Variants in SLC44A5 observed in about 807,000 individuals in gnomAD.
The protein encoded by SLC44A5 is choline transporter-like protein 5.
A neutral mutation model predicts 101.8 loss-of-function variants in SLC44A5; 57 were observed. The observed-to-expected ratio is 0.56, with a 90% CI of 0.45 to 0.70. The LOEUF is 0.70. Among genes scored for constraint, SLC44A5 ranks in the 30% least tolerant of loss-of-function variants. The pLI is 0.00. For synonymous variants in SLC44A5, 281 were observed against 290.9 expected (o/e 0.97, Z 0.35); for missense variants, 737 against 853.1 (o/e 0.86, Z 1.70).
intron 3 of SLC44A5, among the ~76,000 whole-genome samples, chr1:75,396,211 T>C (rs1433788833): frequency 6.6e-6 from 1 of 151,958 alleles, no homozygotes; most frequent in Non-Finnish European, 1.5e-5. Context: ...ACACACATAG[T>C]GTCATGAAAG....
chr1:75,315,811 A>C (rs1478542767), intron 4 of SLC44A5, among the ~76,000 whole-genome samples: 3 of 151,886 alleles, frequency 2.0e-5, no homozygotes, highest in African/African-American at 7.3e-5. Flanking sequence ...CTCCTTAACT[A>C]TCTCTGCCCG....
chr1:75,591,687 T>A (rs1280431400), intron 1 of SLC44A5, among the ~76,000 whole-genome samples: 4 of 152,120 alleles, frequency 2.6e-5, no homozygotes, highest in Non-Finnish European at 5.9e-5. Flanking sequence ...AATGACCAAG[T>A]GGGATTTACC....
At chr1:75,684,378 A>C in the SLC44A5 span, among the ~76,000 whole-genome samples, 4 of 152,160 alleles carry the variant, frequency 2.6e-5, no homozygotes, top group South Asian at 2.1e-4. Context: ...CCAAAGTTTT[A>C]ACTCATTTCA....
intron 3 of SLC44A5, among the ~76,000 whole-genome samples, chr1:75,345,067 T>C (rs978294423): frequency 2.0e-5 from 3 of 152,138 alleles, no homozygotes; most frequent in Admixed American, 1.3e-4. Flanking sequence ...TTAATTTAGA[T>C]TATGAAAATA....
intron 4 of SLC44A5, among the ~76,000 whole-genome samples, chr1:75,324,102 G>A (rs563230988): frequency 5.9e-5 from 9 of 152,282 alleles, no homozygotes; most frequent in Non-Finnish European, 1.2e-4. Flanking sequence ...GGATATGAAC[G>A]TCTTTTGACT....
intron 1 of SLC44A5, among the ~76,000 whole-genome samples, chr1:75,578,682 T>G (rs1673512452): frequency 6.6e-6 from 1 of 152,068 alleles, no homozygotes; most frequent in Non-Finnish European, 1.5e-5. Flanking sequence ...AAAGTTTCAG[T>G]TAGACAGGAT....
intron 5 of SLC44A5, among the ~76,000 whole-genome samples, chr1:75,275,927 A>G (rs899540994): frequency 6.6e-6 from 1 of 151,974 alleles, no homozygotes; most frequent in African/African-American, 2.4e-5. Context: ...TTCCTTTAAC[A>G]TTTGCCCAGC....
At chr1:75,565,325 A>G (rs1672733562) in intron 1 of SLC44A5, among the ~76,000 whole-genome samples, 1 of 152,232 alleles carries the variant, frequency 6.6e-6, no homozygotes, top group South Asian at 2.1e-4. Flanking sequence ...ACAAGATCTC[A>G]GCAGGAGACA....
At chr1:75,221,090 A>T (rs1429174972) in intron 14 of SLC44A5, among the ~76,000 whole-genome samples, 1 of 152,208 alleles carries the variant, frequency 6.6e-6, no homozygotes, top group Non-Finnish European at 1.5e-5. Flanking sequence ...AACCCAGAAA[A>T]TCAGTAGTTT....
chr1:75,569,573 T>C (rs1672966009), intron 1 of SLC44A5, among the ~76,000 whole-genome samples: 1 of 152,208 alleles, frequency 6.6e-6, no homozygotes, highest in Non-Finnish European at 1.5e-5. Context: ...TAAAACATTC[T>C]ATTGAATGAA....
At chr1:75,524,366 A>G (rs1395105730) in intron 2 of SLC44A5, among the ~76,000 whole-genome samples, 1 of 152,176 alleles carries the variant, frequency 6.6e-6, no homozygotes, top group Non-Finnish European at 1.5e-5. Flanking sequence ...ACCCAGTCGC[A>G]GGTAGTTCTT....
At chr1:75,473,574 C>G (rs534282073) in intron 2 of SLC44A5, among the ~76,000 whole-genome samples, 3 of 152,142 alleles carry the variant, frequency 2.0e-5, no homozygotes, top group Non-Finnish European at 4.4e-5. Context: ...CTGCCCCACT[C>G]AAAATCCATT....
At chr1:75,206,065 A>G (rs1646744836) in intron 23 of SLC44A5, 1 of 152,420 alleles carries the variant, frequency 6.6e-6, no homozygotes. Context: ...TATGTTTGTT[A>G]TGGACATGAC....
intron 2 of SLC44A5, among the ~76,000 whole-genome samples, chr1:75,481,584 G>A (rs11163468): frequency 0.58 from 87,635 of 151,378 alleles, 26,917 homozygotes; most frequent in East Asian, 0.94. Context: ...CCCATCAAAA[G>A]GTGGGCGAAG....
the SLC44A5 span, among the ~76,000 whole-genome samples, chr1:75,716,362 T>C: frequency 5.3e-4 from 80 of 151,860 alleles, 1 homozygote; most frequent in African/African-American, 1.9e-3. Flanking sequence ...TCCCAGCCAC[T>C]TGGGAGGCTG....
chr1:75,671,004 T>C, the SLC44A5 span, among the ~76,000 whole-genome samples: 1 of 152,146 alleles, frequency 6.6e-6, no homozygotes, highest in East Asian at 1.9e-4. Context: ...GCACGTAACA[T>C]AGGGAAGCAC....
chr1:75,494,388 A>G (rs1391349579), intron 2 of SLC44A5, among the ~76,000 whole-genome samples: 2 of 152,200 alleles, frequency 1.3e-5, no homozygotes, highest in East Asian at 1.9e-4. Flanking sequence ...CCACACATGT[A>G]GCACCCAACT....
At chr1:75,714,996 A>C in the SLC44A5 span, among the ~76,000 whole-genome samples, 2 of 152,182 alleles carry the variant, frequency 1.3e-5, no homozygotes, top group African/African-American at 2.4e-5. Flanking sequence ...ATTTCTATAC[A>C]CCAACAATGT....
chr1:75,431,236 G>C (rs1193771818), intron 2 of SLC44A5, among the ~76,000 whole-genome samples: 1 of 152,122 alleles, frequency 6.6e-6, no homozygotes, highest in Non-Finnish European at 1.5e-5. Flanking sequence ...ATATTATCAA[G>C]GAAGAAACAA....
Sources: gnomAD v4.1 joint callset for allele counts (sites outside exome capture counted in the v4.1 genomes callset) on GRCh38, gnomAD v4.1.1 for gene constraint, MANE v1.5 for transcripts, NCBI Gene and HGNC (gene_info 2026-07-23, HGNC 2026-07-21) for gene names.